ZSCAN4: variants seen among roughly 807,000 people sequenced by gnomAD.
The protein encoded by ZSCAN4 is zinc finger and SCAN domain-containing protein 4.
In ZSCAN4, 18 loss-of-function variants were observed where a neutral mutation model predicts 18.3. The observed-to-expected ratio is 0.98, with a 90% confidence interval of 0.68 to 1.46. ZSCAN4 has a LOEUF of 1.46. Among genes scored for constraint, ZSCAN4 ranks in the 40% most tolerant of loss-of-function variants. The pLI is 0.00. For synonymous variants in ZSCAN4, 193 were observed against 180.3 expected (o/e 1.07, Z -0.57); for missense variants, 498 against 511.4 (o/e 0.97, Z 0.25).
At chr19:57,672,181 G>A (rs1218648533) in intron 2 of ZSCAN4, among the ~76,000 whole-genome samples, 2 of 152,134 alleles carry the variant, frequency 1.3e-5, no homozygotes, top group South Asian at 2.1e-4. Flanking sequence ...AGTAGGAAAG[G>A]ACAGGGAGTA....
At chr19:57,672,531 A>C (rs36006393) in intron 2 of ZSCAN4, among the ~76,000 whole-genome samples, 3,706 of 152,068 alleles carry the variant, frequency 0.024, 99 homozygotes, top group Middle Eastern at 0.072. Context: ...TTCTCTCTCT[A>C]TATATATGTA....
upstream of ZSCAN4, chr19:57,664,892 G>C (rs564819730): frequency 6.3e-6 from 1 of 158,120 alleles, no homozygotes; most frequent in South Asian, 1.7e-4. Context: ...ACGCCAAAAA[G>C]GAAAGTCCTT....
At chr19:57,652,598 C>G in the ZSCAN4 span, among the ~76,000 whole-genome samples, 3 of 152,134 alleles carry the variant, frequency 2.0e-5, no homozygotes, top group African/African-American at 7.2e-5. Flanking sequence ...TCCATCTCCC[C>G]CTCTGGCTCC....
At chr19:57,663,519 CTAA>C in the ZSCAN4 span, among the ~76,000 whole-genome samples, 24 of 18,312 alleles carry the variant, frequency 1.3e-3, no homozygotes, top group African/African-American at 5.0e-3. Flanking sequence ...AACCATGTCT[CTAA>C]AAAAAAAAAA....
the ZSCAN4 span, among the ~76,000 whole-genome samples, chr19:57,651,683 G>A: frequency 6.6e-6 from 1 of 152,180 alleles, no homozygotes; most frequent in African/African-American, 2.4e-5. Flanking sequence ...TTCACTTGGA[G>A]GAATCCCTTT....
At chr19:57,678,727 A>T in exon 5 of ZSCAN4, 1 of 1,614,182 alleles carries the variant, frequency 6.2e-7, no homozygotes, top group Non-Finnish European at 8.5e-7. Flanking sequence ...ATGTGTAAAA[A>T]GTCCTTCAGC....
At chr19:57,658,669 A>C in the ZSCAN4 span, among the ~76,000 whole-genome samples, 1 of 151,980 alleles carries the variant, frequency 6.6e-6, no homozygotes, top group African/African-American at 2.4e-5. Context: ...CCCCGTCCCT[A>C]CTAAAAAGGC....
At chr19:57,668,470 G>A (rs1390147596), upstream of ZSCAN4, among the ~76,000 whole-genome samples, 2 of 152,142 alleles carry the variant, frequency 1.3e-5, no homozygotes, top group Non-Finnish European at 1.5e-5. Context: ...CATCAGTGGA[G>A]TACCAGGAGA....
At chr19:57,663,021 C>A in the ZSCAN4 span, among the ~76,000 whole-genome samples, 1 of 151,200 alleles carries the variant, frequency 6.6e-6, no homozygotes, top group Non-Finnish European at 1.5e-5. Context: ...TGCCCCTCAC[C>A]CCCCACCCCC....
upstream of ZSCAN4, chr19:57,665,051 C>T: frequency 6.3e-6 from 1 of 158,666 alleles, no homozygotes; most frequent in South Asian, 1.9e-4. Flanking sequence ...CAGCGGCATT[C>T]TGGGAGCTCT....
the ZSCAN4 span, among the ~76,000 whole-genome samples, chr19:57,660,465 T>C: frequency 9.9e-5 from 15 of 152,210 alleles, no homozygotes; most frequent in African/African-American, 2.9e-4. Context: ...ATCTGTAATG[T>C]CTCCACATTC....
At chr19:57,676,429 G>T in exon 3 of ZSCAN4, 2 of 1,614,188 alleles carry the variant, frequency 1.2e-6, no homozygotes, top group Non-Finnish European at 1.7e-6. Flanking sequence ...TTTATGATTG[G>T]TGGCCACTGC....
chr19:57,671,433 T>G (rs1458942861), intron 2 of ZSCAN4, among the ~76,000 whole-genome samples: 3 of 135,212 alleles, frequency 2.2e-5, no homozygotes, highest in African/African-American at 2.8e-5. Context: ...GGAGAAAGGG[T>G]GGGTAATCCA....
At chr19:57,670,477 C>G (rs12984275) in exon 2 of ZSCAN4, 52,058 of 151,942 alleles carry the variant, frequency 0.34, 9,257 homozygotes, top group Non-Finnish European at 0.39. Flanking sequence ...AAGGGAGCAG[C>G]CTTAGGAGGC....
chr19:57,664,647 C>T (rs1428138994), upstream of ZSCAN4: 1 of 202,958 alleles, frequency 4.9e-6, no homozygotes, highest in Admixed American at 4.6e-5. Context: ...GATGGCATGC[C>T]GTCTCCTGCG....
chr19:57,672,429 C>T (rs1179153052), intron 2 of ZSCAN4, among the ~76,000 whole-genome samples: 3 of 152,020 alleles, frequency 2.0e-5, no homozygotes, highest in Non-Finnish European at 4.4e-5. Flanking sequence ...TTTTCTATTT[C>T]ATTCACTTCT....
At chr19:57,677,930 A>C (rs1257257017) in exon 4 of ZSCAN4, 1 of 1,547,620 alleles carries the variant, frequency 6.5e-7, no homozygotes, top group African/African-American at 1.4e-5. Context: ...GTCCACATGC[A>C]GGGACAGGAA....
upstream of ZSCAN4, among the ~76,000 whole-genome samples, chr19:57,666,012 A>T (rs1201392838): frequency 2.0e-5 from 3 of 152,230 alleles, no homozygotes; most frequent in East Asian, 5.8e-4. Flanking sequence ...TCACTTTGGC[A>T]GTTCTTTGCA....
At chr19:57,665,121 C>T (rs1177577988), upstream of ZSCAN4, 3 of 153,122 alleles carry the variant, frequency 2.0e-5, no homozygotes, top group Admixed American at 6.5e-5. Context: ...CATGCAAAGC[C>T]GCTGCTGGCT....
Sources: allele counts gnomAD v4.1 joint callset (sites outside exome capture counted in the v4.1 genomes callset), GRCh38; gene constraint gnomAD v4.1.1; transcripts MANE v1.5; gene names NCBI Gene and HGNC (gene_info 2026-07-23, HGNC 2026-07-21).